NECTIN3: variants seen among roughly 807,000 people sequenced by gnomAD.
NECTIN3 encodes the protein nectin-3.
In NECTIN3, 8 loss-of-function variants were observed where a neutral mutation model predicts 49.4. The observed-to-expected ratio is 0.16, with a 90% CI of 0.10 to 0.29. The LOEUF (loss-of-function observed/expected upper bound fraction) is 0.29. Ranked by LOEUF, NECTIN3 falls within the 10% of genes least tolerant of loss-of-function variation. The probability of loss-of-function intolerance (pLI) is 1.00; values close to 1 mark genes in which losing one functional copy is unlikely to be tolerated. For missense variants in NECTIN3, 581 were observed against 654.6 expected, an observed-to-expected ratio of 0.89 and a Z score of 1.23; for synonymous variants, 277 against 241.1, an observed-to-expected ratio of 1.15 and a Z score of -1.38.
intron 1 of NECTIN3, among the ~76,000 whole-genome samples, chr3:111,109,602 G>A (rs1247625566): frequency 6.6e-6 from 1 of 151,336 alleles, no homozygotes; most frequent in African/African-American, 2.4e-5. Flanking sequence ...AGCATTTCTT[G>A]ACTAATATAT....
At position 111,112,037 on chromosome 3, in the gene NECTIN3, A is replaced by G. The variant is rs137897459; in HGVS notation, c.168A>G (p.Leu56=). ...CTTTTTTTTCCTCCATAGGTGCCTT[A>G]GCTGGACCAATTATTGTGGAGCCAC... The part of the protein sequence containing the change: ...LLLFSRLCGA[L]AGPIIVEPHV... Residue 56 remains leucine, a synonymous_variant, in exon 2 of 6, where the codon TTA becomes TTG. Coordinates refer to ENST00000485303, the MANE Select transcript of NECTIN3 (RefSeq NM_015480.3). 18 of 1,606,602 alleles carry G rather than the reference A, an allele frequency of 1.1e-5. No individual in the cohort carries two copies. The African/African-American group carries it at 1.7e-4, about 16-fold the overall frequency.
chr3:111,167,338 C>T (rs896257207), intron 7 of NECTIN3, among the ~76,000 whole-genome samples: 2 of 152,144 alleles, frequency 1.3e-5, no homozygotes, highest in African/African-American at 2.4e-5. Flanking sequence ...CATTATCTAA[C>T]CCCTTTTCCT....
In NECTIN3 at chr3:111,135,528, T is replaced by C. The variant is rs1400742878; in HGVS notation, c.*1313T>C. 1 of 982,434 alleles carries C rather than the reference T, an allele frequency of 1.0e-6. No homozygotes were observed. The highest frequency in any genetic ancestry group is 1.1e-4 in the East Asian group (1 of 8,804). The allele number at this position is 982,434 out of a possible 1,614,324, so 60.9% of individuals were successfully genotyped here. ...CTTCTACAGTGGAGGCTTACAAAAT[T>C]ATTGTGACAACTATTTTGAAGCTGA... On this transcript the variant is annotated 3_prime_UTR_variant, in exon 6 of 6. Coordinates refer to ENST00000485303, the MANE Select transcript of NECTIN3 (RefSeq NM_015480.3).
chr3:111,073,920 A>T (rs1253191060), intron 1 of NECTIN3, among the ~76,000 whole-genome samples: 1 of 152,218 alleles, frequency 6.6e-6, no homozygotes, highest in Non-Finnish European at 1.5e-5. Context: ...AAACAGTTTT[A>T]AAAAATCTCA....
intron 1 of NECTIN3, among the ~76,000 whole-genome samples, chr3:111,089,751 T>C (rs1366766394): frequency 1.3e-5 from 2 of 152,154 alleles, no homozygotes; most frequent in Admixed American, 6.5e-5. Context: ...TCTCTCTCCA[T>C]GTATGTATGT....
chr3:111,156,032 T>C (rs1177274981), intron 7 of NECTIN3, among the ~76,000 whole-genome samples: 1 of 152,208 alleles, frequency 6.6e-6, no homozygotes, highest in African/African-American at 2.4e-5. Flanking sequence ...ATTTATGTCC[T>C]TGTGCCAGTA....
chr3:111,136,106 T>C lies in NECTIN3; in HGVS notation c.*1891T>C, dbSNP rs1394968326. On this transcript the variant is annotated 3_prime_UTR_variant, in exon 6 of 6. Coordinates refer to ENST00000485303, the MANE Select transcript of NECTIN3 (RefSeq NM_015480.3). ...GAGGTGGCCAGAAGAAAGATGGGTC[T>C]AAAATTTCTCCCCATGAAAGATGTA... 1.0e-6 allele frequency: 1 copy of C among 983,670 alleles called. No homozygotes were observed. Among genetic ancestry groups the C allele is most frequent in the African/African-American group, 1.7e-5 (1 of 57,144 alleles). The allele number at this position is 983,670 out of a possible 1,614,324, so 60.9% of individuals were successfully genotyped here. A position where few individuals can be genotyped will look rare whatever the true frequency, so the allele number is the denominator to read the frequency against.
At chr3:111,158,135 CTGTT>C (rs558217563) in intron 7 of NECTIN3, among the ~76,000 whole-genome samples, 93 of 152,110 alleles carry the variant, frequency 6.1e-4, no homozygotes, top group African/African-American at 1.8e-3. Context: ...ACAATTATGA[CTGTT>C]TGACAGCTCA....
intron 7 of NECTIN3, among the ~76,000 whole-genome samples, chr3:111,174,808 C>T (rs774715770): frequency 6.6e-6 from 1 of 152,154 alleles, no homozygotes; most frequent in Non-Finnish European, 1.5e-5. Flanking sequence ...CCTTTTAGCC[C>T]TGCTGTCTGT....
intron 7 of NECTIN3, among the ~76,000 whole-genome samples, chr3:111,165,292 C>T (rs1576173634): frequency 6.6e-6 from 1 of 152,122 alleles, no homozygotes; most frequent in Non-Finnish European, 1.5e-5. Context: ...ATCCGCCCAC[C>T]TCGGCCTCCC....
intron 1 of NECTIN3, among the ~76,000 whole-genome samples, chr3:111,092,712 A>G (rs1418992525): frequency 6.6e-6 from 1 of 152,190 alleles, no homozygotes; most frequent in African/African-American, 2.4e-5. Context: ...TAGTCACTGT[A>G]GTTTTGAAGA....
chr3:111,186,568 A>G (rs79338063), intron 7 of NECTIN3, among the ~76,000 whole-genome samples: 7,630 of 152,216 alleles, frequency 0.05, 612 homozygotes, highest in African/African-American at 0.17. Flanking sequence ...ACTCCTACCT[A>G]TTGGATACTA....
intron 7 of NECTIN3, among the ~76,000 whole-genome samples, chr3:111,173,134 A>G (rs1337855288): frequency 6.6e-6 from 1 of 152,186 alleles, no homozygotes; most frequent in Non-Finnish European, 1.5e-5. Context: ...CTGTTAGGAA[A>G]ACATGACTCC....
chr3:111,139,319 T>C (rs2034682385), downstream of NECTIN3, among the ~76,000 whole-genome samples: 1 of 151,770 alleles, frequency 6.6e-6, no homozygotes, highest in Non-Finnish European at 1.5e-5. Flanking sequence ...TTGCTAGAAA[T>C]AGCTTTTACT....
intron 1 of NECTIN3, among the ~76,000 whole-genome samples, chr3:111,075,484 G>T (rs2031121414): frequency 2.6e-5 from 4 of 152,028 alleles, no homozygotes; most frequent in Admixed American, 2.6e-4. Flanking sequence ...TTAAATGACA[G>T]AATAGAATAA....
At chr3:111,139,067 G>C (rs149525804), downstream of NECTIN3, among the ~76,000 whole-genome samples, 375 of 151,532 alleles carry the variant, frequency 2.5e-3, 1 homozygote, top group African/African-American at 8.2e-3. Context: ...ATCAGTTCCT[G>C]GTCAGTCTTA....
chr3:111,160,118 A>G (rs2035180007), intron 7 of NECTIN3, among the ~76,000 whole-genome samples: 1 of 152,214 alleles, frequency 6.6e-6, no homozygotes, highest in Non-Finnish European at 1.5e-5. Flanking sequence ...TTGGAACAAA[A>G]CAGAATACTC....
At chr3:111,126,984 C>A (rs1024259867) in intron 5 of NECTIN3, among the ~76,000 whole-genome samples, 1 of 152,068 alleles carries the variant, frequency 6.6e-6, no homozygotes, top group African/African-American at 2.4e-5. Context: ...GCTAAAAATA[C>A]ATCTTTTCCT....
rs2034558151 is a variant in NECTIN3, at chr3:111,135,886, CTTA to C, written c.*1676_*1678del. 1.1e-6 allele frequency: 1 copy of C among 918,484 alleles called. No homozygotes were observed. The highest frequency in any genetic ancestry group is 1.8e-5 in the African/African-American group (1 of 54,796). The allele number at this position is 918,484 out of a possible 1,614,324, so 56.9% of individuals were successfully genotyped here. On this transcript the variant is annotated 3_prime_UTR_variant, in exon 6 of 6. Transcript: ENST00000485303. ...TTTATTTCTCTTCCCAAAAGTAATA[CTTA>C]TTATAAGGCTGTAGTATCAGGTTAA... is the stretch of plus-strand genomic sequence containing the variant.
Sources: allele counts gnomAD v4.1 joint callset (sites outside exome capture counted in the v4.1 genomes callset), GRCh38; gene constraint gnomAD v4.1.1; transcripts MANE v1.5; gene names NCBI Gene and HGNC (gene_info 2026-07-23, HGNC 2026-07-21).